Variants in TEX15 observed in about 807,000 individuals in gnomAD.
TEX15 encodes the protein testis-expressed protein 15.
Under a neutral mutation model 237.3 loss-of-function variants are expected in TEX15, and 171 were observed. That is an observed-to-expected ratio of 0.72 (90% CI 0.64 to 0.82). The LOEUF (loss-of-function observed/expected upper bound fraction) is 0.82. Ranked by LOEUF, TEX15 falls within the 40% of genes least tolerant of loss-of-function variation. TEX15 has a pLI of 0.00. For synonymous variants in TEX15, 1,338 were observed against 1,269.8 expected, an observed-to-expected ratio of 1.05 and a Z score of -1.14; for missense variants, 3,750 against 3,646.5, an observed-to-expected ratio of 1.03 and a Z score of -0.73.
intron 9 of TEX15, among the ~76,000 whole-genome samples, chr8:30,838,324 A>G (rs1028027746): frequency 7.2e-5 from 11 of 152,082 alleles, no homozygotes; most frequent in African/African-American, 2.7e-4. Context: ...TGCATTAGAC[A>G]TTTTCTAATG....
chr8:30,869,055 GTATGTCT>G (rs968894284), intron 4 of TEX15, among the ~76,000 whole-genome samples: 19 of 150,950 alleles, frequency 1.3e-4, no homozygotes, highest in East Asian at 9.7e-4. Flanking sequence ...TTATTTTTCA[GTATGTCT>G]TCAGAACTAT....
chr8:30,850,680 A>C lies in TEX15; in HGVS notation c.851-1364T>G, dbSNP rs532189488. On this transcript the variant is annotated intron_variant, in intron 7 of 10. Coordinates refer to ENST00000643185, the MANE Select transcript of TEX15 (RefSeq NM_001350162.2). The stretch of plus-strand genomic sequence containing the variant: ...GATTCCTACACCTACACCAAAATAA[A>C]ATTTGCTATTTAAAAAACTCCATAA... Among the ~76,000 whole-genome samples the C allele has an allele frequency of 8.9e-4, 135 of 152,282 alleles. 2 individuals are homozygous for C. The South Asian group carries it at 0.028, about 31-fold the overall frequency.
In TEX15 at chr8:30,867,351, C is replaced by G. The variant is rs1354188253; in HGVS notation, c.454G>C (p.Gly152Arg). Residue 152 changes from glycine (G) to arginine (R), a missense_variant, in exon 5 of 11, where the codon GGA (glycine) becomes CGA (arginine). Physicochemically the swap from Gly to Arg is moderately radical, Grantham distance 125. Coordinates refer to ENST00000643185, the MANE Select transcript of TEX15 (RefSeq NM_001350162.2). Reference sequence around the variant, plus strand: ...TCAACATGTCTAAACATATAAATTCCAAGAAGAGGATTTCCTAGTATCTTC... The same window carrying G: ...TCAACATGTCTAAACATATAAATTCGAAGAAGAGGATTTCCTAGTATCTTC... ...TLKILGNPLL[G>R]IYMFRHVDIA... 1 of 1,528,948 alleles carries G rather than the reference C, an allele frequency of 6.5e-7. No individual in the cohort carries two copies. Among genetic ancestry groups the G allele is most frequent in the Non-Finnish European group, 8.8e-7 (1 of 1,140,972 alleles). The allele number at this position is 1,528,948 out of a possible 1,614,324, so 94.7% of individuals were successfully genotyped here.
Position 30,845,309 on chromosome 8 carries a change from A to G in TEX15, c.4858T>C (p.Leu1620=), listed in dbSNP as rs1395419645. ...EVINESNSVS[L]SCIKENINSS... ...TTTATGTTTTCTTTTATGCAACTTA[A>G]AGATACAGAATTACTTTCATTTATT... The change falls in exon 8 of 11, where the codon TTA becomes CTA. Residue 1620 remains leucine (L), a synonymous_variant. Transcript: ENST00000643185. 1 of 1,612,936 alleles carries G rather than the reference A, an allele frequency of 6.2e-7. No individual in the cohort carries two copies. The highest frequency in any genetic ancestry group is 1.3e-5 in the African/African-American group (1 of 74,890).
At chr8:30,888,746 G>A in intron 2 of TEX15, 1 of 979,864 alleles carries the variant, frequency 1.0e-6, no homozygotes, top group Non-Finnish European at 1.4e-6. Flanking sequence ...AGATCACAAA[G>A]GATAAGGTTC....
At chr8:30,839,059 G>A (rs561015374) in intron 9 of TEX15, among the ~76,000 whole-genome samples, 3 of 151,900 alleles carry the variant, frequency 2.0e-5, no homozygotes, top group South Asian at 2.1e-4. Flanking sequence ...CAGGTGATCC[G>A]CCCGCCTTGG....
chr8:30,877,709 GTGTACCC>G (rs1808429939), intron 3 of TEX15, among the ~76,000 whole-genome samples: 1 of 152,122 alleles, frequency 6.6e-6, no homozygotes, highest in South Asian at 2.1e-4. Flanking sequence ...CAGAGGTCCT[GTGTACCC>G]TTAACCCAGT....
chr8:30,874,928 G>A lies in TEX15; in HGVS notation c.302+9C>T. On this transcript the variant is annotated intron_variant, in intron 4 of 10. Coordinates refer to ENST00000643185, the MANE Select transcript of TEX15 (RefSeq NM_001350162.2). ...AAATCTCAAACACGTTTAGATCATA[G>A]TAACTTACCTCTTAGCAGTAAAATT... The A allele has an allele frequency of 7.7e-7, 1 of 1,303,794 alleles. No individual in the cohort carries two copies. Among genetic ancestry groups the A allele is most frequent in the East Asian group, 2.8e-5 (1 of 35,882 alleles). 80.8% of individuals were successfully genotyped at this position (1,303,794 alleles called of 1,614,324 possible).
chr8:30,839,634 T>G (rs1376220865), intron 9 of TEX15, among the ~76,000 whole-genome samples: 5 of 152,198 alleles, frequency 3.3e-5, no homozygotes, highest in Admixed American at 6.5e-5. Context: ...CTAACTATAC[T>G]CAGAATATTC....
chr8:30,836,205 G>T (rs1168561557), intron 10 of TEX15, among the ~76,000 whole-genome samples: 138 of 43,258 alleles, frequency 3.2e-3, no homozygotes, highest in East Asian at 8.5e-3. Flanking sequence ...TCACTGTATC[G>T]TTTTTTTTTT....
chr8:30,873,542 G>C (rs183279561), intron 4 of TEX15, among the ~76,000 whole-genome samples: 1 of 152,212 alleles, frequency 6.6e-6, no homozygotes, highest in Non-Finnish European at 1.5e-5. Flanking sequence ...GGGAATACTG[G>C]AGGGGTGGGG....
At chr8:30,838,132 T>C (rs1807354187) in intron 9 of TEX15, 71 bp from the exon 10 acceptor site, 2 of 1,336,654 alleles carry the variant, frequency 1.5e-6, no homozygotes, top group Admixed American at 2.7e-5. Context: ...TGGAAATATA[T>C]ATTTGAAATT....
chr8:30,842,080 G>A lies in TEX15; in HGVS notation c.8087C>T (p.Pro2696Leu), dbSNP rs771741940. The A allele has an allele frequency of 2.3e-5, 37 of 1,613,490 alleles. No homozygotes were observed. Among genetic ancestry groups the A allele is most frequent in the Middle Eastern group, 3.3e-4 (2 of 6,054 alleles). ...GTCTTCACATTTGTCTACAGTGCTC[G>A]GTCGTTTTTTAGAGGAATTTGAGAT... ...KNISNSSKKR[P>L]STVDKCEDSQ... is the part of the protein sequence containing the mutation. The change falls in exon 8 of 11, where the codon CCG becomes CTG. Residue 2696 changes from proline (P) to leucine (L), a missense_variant. Pro to Leu is a moderately conservative substitution (Grantham distance 98). Coordinates refer to ENST00000643185, the MANE Select transcript of TEX15 (RefSeq NM_001350162.2).
rs770230024 is a variant in TEX15 at position 30,836,857 on chromosome 8, T to C, written c.9427A>G (p.Thr3143Ala). 21 of 1,614,006 alleles carry C rather than the reference T, an allele frequency of 1.3e-5. No individual in the cohort carries two copies. The highest frequency in any genetic ancestry group is 1.5e-5 in the Non-Finnish European group (18 of 1,179,982). The change falls in exon 10 of 11, where the codon ACA becomes GCA. Residue 3143 changes from threonine to alanine, a missense_variant. Transcript: ENST00000643185. ...AATCGATTAGGAAGGTAAGGGTATG[T>C]AGCTTGTGGTAATGGCTGATGAGAA... The part of the protein sequence containing the change: ...YASHQPLPQA[T>A]YPYLPNRFVP...
At chr8:30,861,273 T>TTA (rs1268749934) in intron 5 of TEX15, among the ~76,000 whole-genome samples, 3 of 152,136 alleles carry the variant, frequency 2.0e-5, no homozygotes, top group African/African-American at 7.2e-5. Flanking sequence ...AGGCCAATAT[T>TTA]TATTCAATCT....
chr8:30,908,716 T>C (rs1809159132), intron 1 of TEX15, among the ~76,000 whole-genome samples: 1 of 152,248 alleles, frequency 6.6e-6, no homozygotes, highest in Admixed American at 6.5e-5. Context: ...AAAACTGAAA[T>C]GTGTTCATCT....
rs1171979045 is a variant in TEX15, at chr8:30,907,692, T to A, written c.-86+5187A>T. On this transcript the variant is annotated intron_variant, in intron 1 of 10. Transcript: ENST00000643185. The stretch of plus-strand genomic sequence containing the variant: ...TATAAATTATATATAAAATTTTATA[T>A]ATAAAATACATATAAATTAGATATA... 1.1e-4 allele frequency among the ~76,000 whole-genome samples: 15 copies of A among 138,142 alleles called. 1 individual carries two copies. In the Admixed American group the frequency reaches 1.1e-3, roughly 11 times the overall value. The allele number at this position is 138,142 out of a possible 152,430, so 90.6% of individuals were successfully genotyped here.
At chr8:30,852,368 C>A (rs1807807949) in intron 7 of TEX15, among the ~76,000 whole-genome samples, 1 of 152,136 alleles carries the variant, frequency 6.6e-6, no homozygotes, top group East Asian at 1.9e-4. Flanking sequence ...GCTAGGATTA[C>A]AAGTGTGAGC....
chr8:30,844,353 C>T lies in TEX15; in HGVS notation c.5814G>A (p.Leu1938=), dbSNP rs1198301212. 1 of 1,611,596 alleles carries T rather than the reference C, an allele frequency of 6.2e-7. No homozygotes were observed. Among genetic ancestry groups the T allele is most frequent in the Admixed American group, 1.7e-5 (1 of 59,654 alleles). ...TATAGGCTATTTCTGAATGTAATGTCAAGTCAGACTGCGAGTCTTTACTAA... is the reference window on the plus strand; with the variant it reads ...TATAGGCTATTTCTGAATGTAATGTTAAGTCAGACTGCGAGTCTTTACTAA... ...IKVSKDSQSD[L]TLHSEIAYIS... Residue 1938 remains leucine (L), a synonymous_variant, in exon 8 of 11, where the codon TTG becomes TTA. Transcript: ENST00000643185.
Sources: gnomAD v4.1 joint callset for allele counts (sites outside exome capture counted in the v4.1 genomes callset) on GRCh38, gnomAD v4.1.1 for gene constraint, MANE v1.5 for transcripts, NCBI Gene and HGNC (gene_info 2026-07-23, HGNC 2026-07-21) for gene names.